ULK4: variants seen among roughly 807,000 people sequenced by gnomAD.
ULK4 encodes the protein inactive serine/threonine-protein kinase ULK4.
A neutral mutation model predicts 160.6 loss-of-function variants in ULK4; 133 were observed. That is an observed-to-expected ratio of 0.83 (90% CI 0.72 to 0.96). ULK4 has a LOEUF of 0.96. Among genes scored for constraint, ULK4 ranks in the 40% least tolerant of loss-of-function variants. The probability of loss-of-function intolerance (pLI) is 0.00; values close to 1 mark genes in which losing one functional copy is unlikely to be tolerated. For synonymous variants in ULK4, 534 were observed against 539.8 expected, an observed-to-expected ratio of 0.99 and a Z score of 0.15; for missense variants, 1,580 against 1,499.5, an observed-to-expected ratio of 1.05 and a Z score of -0.89.
At chr3:41,376,706 T>G (rs1478539655) in intron 35 of ULK4, among the ~76,000 whole-genome samples, 1 of 149,730 alleles carries the variant, frequency 6.7e-6, no homozygotes, top group African/African-American at 2.5e-5. Flanking sequence ...TACAAACTAC[T>G]GCTCAAGGAA....
chr3:41,694,172 CA>C (rs1292335423), intron 27 of ULK4, among the ~76,000 whole-genome samples: 6 of 152,106 alleles, frequency 3.9e-5, no homozygotes, highest in Non-Finnish European at 7.4e-5. Flanking sequence ...ACAGAACGGG[CA>C]ATGGCAAGAA....
intron 34 of ULK4, among the ~76,000 whole-genome samples, chr3:41,400,606 A>C (rs536270376): frequency 6.6e-6 from 1 of 152,270 alleles, no homozygotes; most frequent in South Asian, 2.1e-4. Flanking sequence ...CCCAATTTGG[A>C]GCTATTCCAA....
At chr3:41,375,715 C>A (rs897133158) in intron 35 of ULK4, among the ~76,000 whole-genome samples, 1 of 150,280 alleles carries the variant, frequency 6.7e-6, no homozygotes, top group South Asian at 2.2e-4. Context: ...AGGACACAGG[C>A]ATGGGCAAAG....
chr3:41,430,019 A>G (rs1344490097), intron 34 of ULK4, among the ~76,000 whole-genome samples: 3 of 152,202 alleles, frequency 2.0e-5, no homozygotes. Context: ...TCTTCATCCT[A>G]ATTTCCTTTC....
chr3:41,247,062 G>A (rs2078658450), intron 36 of ULK4, 70 bp from the exon 37 acceptor site: 29 of 1,479,788 alleles, frequency 2.0e-5, no homozygotes, highest in Non-Finnish European at 2.6e-5. Context: ...CCTTTCAAAG[G>A]GGCCAGCCTC....
At position 41,651,260 on chromosome 3, in the gene ULK4, C is replaced by T. The variant is rs936338592; in HGVS notation, c.3071+12347G>A. ...TTGCTTTTAAATACTGCAGCTAGCA[C>T]TAGCACAGCCAATTAGCTCCCTCTC... On this transcript the variant is annotated intron_variant, in intron 30 of 36. Transcript: ENST00000301831. Among the ~76,000 whole-genome samples, 22 of 152,304 alleles carry T rather than the reference C, an allele frequency of 1.4e-4. No homozygotes were observed. In the Middle Eastern group the frequency reaches 0.01, roughly 71 times the overall value.
chr3:41,949,568 G>C (rs1371905961), intron 2 of ULK4, among the ~76,000 whole-genome samples: 1 of 151,640 alleles, frequency 6.6e-6, no homozygotes, highest in Non-Finnish European at 1.5e-5. Context: ...AAGTAGCTGG[G>C]ATTACAGATG....
At chr3:41,867,935 T>C (rs1246148962) in intron 17 of ULK4, among the ~76,000 whole-genome samples, 2 of 150,872 alleles carry the variant, frequency 1.3e-5, no homozygotes, top group African/African-American at 2.5e-5. Flanking sequence ...TTTTCTAGAT[T>C]TCCTCTTGTT....
rs537258263 is a variant in ULK4 at position 41,394,847 on chromosome 3, T to C, written c.3678+3232A>G. On this transcript the variant is annotated intron_variant, in intron 35 of 36. Coordinates refer to ENST00000301831, the MANE Select transcript of ULK4 (RefSeq NM_017886.4). ...TGACCCAGGGTAAACTAGAAAGCTT[T>C]CGGAAGATTTTGAGGCATTTATCAC... is the stretch of plus-strand genomic sequence containing the variant. Among the ~76,000 whole-genome samples, 11 of 152,172 alleles carry C rather than the reference T, an allele frequency of 7.2e-5. No individual in the cohort carries two copies. In the South Asian group the frequency reaches 2.1e-3, roughly 29 times the overall value.
At chr3:41,860,100 G>C (rs1336467665) in intron 17 of ULK4, among the ~76,000 whole-genome samples, 1 of 152,096 alleles carries the variant, frequency 6.6e-6, no homozygotes, top group Non-Finnish European at 1.5e-5. Context: ...AAAGAGGCTT[G>C]ATATTATTTC....
At chr3:41,781,128 A>T (rs138016741) in intron 21 of ULK4, among the ~76,000 whole-genome samples, 146 of 152,304 alleles carry the variant, frequency 9.6e-4, no homozygotes, top group Admixed American at 2.4e-3. Flanking sequence ...GGAGAGACAG[A>T]CAGAAGATGA....
chr3:41,773,269 G>C (rs1431534858), intron 21 of ULK4, among the ~76,000 whole-genome samples: 2 of 152,190 alleles, frequency 1.3e-5, no homozygotes, highest in East Asian at 3.9e-4. Flanking sequence ...TAGGAAAAGA[G>C]GAAGTCAAAT....
intron 35 of ULK4, among the ~76,000 whole-genome samples, chr3:41,326,409 A>C (rs1041835457): frequency 6.6e-6 from 1 of 152,020 alleles, no homozygotes; most frequent in African/African-American, 2.4e-5. Flanking sequence ...TGTTGAAAAA[A>C]TGTATTAACC....
rs149165630 is a variant in ULK4, at chr3:41,907,539, T to A, written c.1182+306A>T. ...GTCTCCAACTCCTGGCCTCAAGTGA[T>A]CCTCCTGTCTCAGCCTCCCAAAGTG... On this transcript the variant is annotated intron_variant, in intron 12 of 36. Coordinates refer to ENST00000301831, the MANE Select transcript of ULK4 (RefSeq NM_017886.4). Among the ~76,000 whole-genome samples the A allele has an allele frequency of 3.3e-3, 495 of 152,184 alleles. 6 individuals carry two copies. Among genetic ancestry groups the A allele is most frequent in the African/African-American group, 0.011 (466 of 41,520 alleles).
intron 34 of ULK4, among the ~76,000 whole-genome samples, chr3:41,410,467 G>C (rs1027499227): frequency 2.0e-5 from 3 of 152,090 alleles, no homozygotes; most frequent in Non-Finnish European, 2.9e-5. Context: ...AAATAGGCCA[G>C]TTTATAGAAA....
intron 22 of ULK4, among the ~76,000 whole-genome samples, chr3:41,728,111 G>C (rs947807540): frequency 6.6e-6 from 1 of 152,200 alleles, no homozygotes; most frequent in Non-Finnish European, 1.5e-5. Flanking sequence ...TGGTATGTGA[G>C]TGTGAGTTCA....
intron 32 of ULK4, among the ~76,000 whole-genome samples, chr3:41,563,249 C>A (rs1262269601): frequency 6.6e-6 from 1 of 152,158 alleles, no homozygotes; most frequent in Non-Finnish European, 1.5e-5. Flanking sequence ...TTGGGCTTAC[C>A]TTTGTGGGTA....
At chr3:41,738,080 G>A (rs907933169) in intron 22 of ULK4, among the ~76,000 whole-genome samples, 2 of 151,722 alleles carry the variant, frequency 1.3e-5, no homozygotes. Flanking sequence ...AAATATGTAG[G>A]GGTGATAATA....
intron 17 of ULK4, among the ~76,000 whole-genome samples, chr3:41,845,687 T>C (rs1199257849): frequency 1.3e-5 from 2 of 152,192 alleles, no homozygotes; most frequent in Admixed American, 6.5e-5. Flanking sequence ...GGATGAAGTA[T>C]ACACAGGATC....
Sources: gnomAD v4.1 joint callset for allele counts (sites outside exome capture counted in the v4.1 genomes callset) on GRCh38, gnomAD v4.1.1 for gene constraint, MANE v1.5 for transcripts, NCBI Gene and HGNC (gene_info 2026-07-23, HGNC 2026-07-21) for gene names.